The following PPFIA3 variants were observed in gnomAD, a reference collection of about 807,000 sequenced individuals.
PPFIA3 encodes the protein PPFI scaffold protein A3, also known as liprin-alpha-3.
PPFIA3 carries 26 observed loss-of-function variants against 145.8 expected under a neutral mutation model. The observed-to-expected ratio is 0.18, with a 90% CI of 0.13 to 0.25. The LOEUF (loss-of-function observed/expected upper bound fraction) is 0.25. Ranked by LOEUF, PPFIA3 falls within the 10% of genes least tolerant of loss-of-function variation. The pLI is 1.00. For synonymous variants in PPFIA3, 645 were observed against 661.4 expected (o/e 0.98, Z 0.38); for missense variants, 1,008 against 1,587.8 (o/e 0.63, Z 6.21).
chr19:49,141,886 G>T (rs2041228471), intron 19 of PPFIA3, 148 bp from the exon 20 acceptor site: 2 of 456,140 alleles, frequency 4.4e-6, no homozygotes, highest in Middle Eastern at 3.8e-4. Context: ...TGTATTTTTT[G>T]ACCTTCTGCC....
chr19:49,128,169 C>A lies in PPFIA3; in HGVS notation c.240+56C>A. 6.9e-7 allele frequency: 1 copy of A among 1,449,536 alleles called. No individual in the cohort carries two copies. The highest frequency in any genetic ancestry group is 1.4e-5 in the South Asian group (1 of 71,980). 89.8% of individuals were successfully genotyped at this position (1,449,536 alleles called of 1,614,324 possible). ...GGGCGGGGCCTCGGGGGGAAGAAGG[C>A]GGTCCGGAAGGGGCCGGGCTTGGCG... is the stretch of plus-strand genomic sequence containing the variant. On this transcript the variant is annotated intron_variant, in intron 2 of 29. Transcript: ENST00000334186. The surrounding 1 kb of genome is among the most constrained non-coding windows in gnomAD (Gnocchi z 4.1).
In PPFIA3 at chr19:49,130,007, A is replaced by C; in HGVS notation, c.597A>C (p.Arg199=). Residue 199 remains arginine (R), a synonymous_variant, in exon 6 of 30, where the codon CGA becomes CGC. Coordinates refer to ENST00000334186, the MANE Select transcript of PPFIA3 (RefSeq NM_003660.4). This position sits in a 1 kb window ranked among gnomAD's most constrained non-coding sequence, Gnocchi z 4.5. ...CACACTTCCAGACTCTGAACCTTCG[A>C]GAACAGCTGTCTAGGCGGCGGTCAG... ...ELSNQETLNL[R]EQLSRRRSGL... 1 of 1,613,712 alleles carries C rather than the reference A, an allele frequency of 6.2e-7. No homozygotes were observed. Among genetic ancestry groups the C allele is most frequent in the Non-Finnish European group, 8.5e-7 (1 of 1,179,878 alleles).
At chr19:49,124,183 A>G (rs2040969649) in intron 1 of PPFIA3, among the ~76,000 whole-genome samples, 1 of 151,780 alleles carries the variant, frequency 6.6e-6, no homozygotes. Flanking sequence ...TAAAAAATCT[A>G]TTTATTTATT....
At chr19:49,138,697 C>T (rs1971512) in intron 16 of PPFIA3, among the ~76,000 whole-genome samples, 53,360 of 152,038 alleles carry the variant, frequency 0.35, 9,619 homozygotes, top group Non-Finnish European at 0.42. Flanking sequence ...TGGCTGGGTG[C>T]GGTGGCTCAC....
chr19:49,124,982 G>A (rs527303192), intron 1 of PPFIA3, among the ~76,000 whole-genome samples: 1 of 152,150 alleles, frequency 6.6e-6, no homozygotes, highest in African/African-American at 2.4e-5. Flanking sequence ...CAGGAGAATC[G>A]CTTGAACCCG....
chr19:49,142,941 A>G lies in PPFIA3; in HGVS notation c.2682A>G (p.Leu894=). ...GISNPLHRLK[L]RLAIQEMVSL... The stretch of plus-strand genomic sequence containing the variant: ...GCAACCCGCTGCACCGACTCAAGCT[A>G]CGCCTCGCCATCCAGGAGATGGTCT... The change falls in exon 21 of 30, where the codon CTA becomes CTG. Residue 894 remains leucine (L), a synonymous_variant. Coordinates refer to ENST00000334186, the MANE Select transcript of PPFIA3 (RefSeq NM_003660.4). 2 of 1,613,428 alleles carry G rather than the reference A, an allele frequency of 1.2e-6. No homozygotes were observed. The highest frequency in any genetic ancestry group is 1.7e-6 in the Non-Finnish European group (2 of 1,179,972).
chr19:49,123,953 C>G (rs556395288), intron 1 of PPFIA3, among the ~76,000 whole-genome samples: 37 of 152,170 alleles, frequency 2.4e-4, no homozygotes, highest in African/African-American at 8.9e-4. Context: ...TCTTCTGGAG[C>G]CTTCAGCCTA....
chr19:49,127,668 C>T (rs2041019276), intron 1 of PPFIA3, among the ~76,000 whole-genome samples, 191 bp from the exon 2 acceptor site: 1 of 152,140 alleles, frequency 6.6e-6, no homozygotes, highest in African/African-American at 2.4e-5. Context: ...TTGGTTTCCC[C>T]GGTGGAGTGA....
rs369121503 is a variant in PPFIA3 at position 49,133,394 on chromosome 19, G to T, written c.1161+23G>T. ...AAGGTGCGGGGAGGACTCGGGTCGG[G>T]GCCTTGCGTGGGGAAGGGGTGGGGC... On this transcript the variant is annotated intron_variant, in intron 9 of 29. Transcript: ENST00000334186. The surrounding 1 kb of genome is among the most constrained non-coding windows in gnomAD (Gnocchi z 7.2). 26 of 1,576,048 alleles carry T rather than the reference G, an allele frequency of 1.6e-5. No homozygotes were observed. The African/African-American group carries it at 3.3e-4, about 20-fold the overall frequency.
intron 18 of PPFIA3, among the ~76,000 whole-genome samples, chr19:49,141,099 A>G (rs942573902): frequency 2.8e-4 from 43 of 152,262 alleles, no homozygotes; most frequent in African/African-American, 7.9e-4. Flanking sequence ...GAAATTGGCC[A>G]TGGTGGGATT....
chr19:49,135,284 C>G (rs559327547), intron 13 of PPFIA3, among the ~76,000 whole-genome samples: 1 of 152,266 alleles, frequency 6.6e-6, no homozygotes, highest in African/African-American at 2.4e-5. Flanking sequence ...TCAAGTGATC[C>G]TCCCCCCTCG....
Position 49,148,207 on chromosome 19 carries a change from T to C in PPFIA3, c.2960T>C (p.Leu987Pro). The C allele has an allele frequency of 6.2e-7, 1 of 1,614,198 alleles. No homozygotes were observed. Among genetic ancestry groups the C allele is most frequent in the Non-Finnish European group, 8.5e-7 (1 of 1,180,034 alleles). Residue 987 changes from leucine to proline, a missense_variant, in exon 24 of 30, where the codon CTT becomes CCT. Coordinates refer to ENST00000334186, the MANE Select transcript of PPFIA3 (RefSeq NM_003660.4). Reference sequence around the variant, plus strand: ...GTGGACGCTCGAATGTTAGATCACCTTAACAAGAAGGAGCTCCGGGGCCAA... The same window carrying C: ...GTGGACGCTCGAATGTTAGATCACCCTAACAAGAAGGAGCTCCGGGGCCAA... ...SLVDARMLDH[L>P]NKKELRGQLK... is the part of the protein sequence containing the mutation.
intron 18 of PPFIA3, among the ~76,000 whole-genome samples, chr19:49,141,194 G>A (rs1373661286): frequency 6.6e-6 from 1 of 152,238 alleles, no homozygotes; most frequent in East Asian, 1.9e-4. Context: ...GCATTTACCA[G>A]CATACAACTG....
intron 24 of PPFIA3, 144 bp downstream of exon 24, chr19:49,148,402 T>TC (rs2041304026): frequency 3.0e-6 from 3 of 989,914 alleles, no homozygotes; most frequent in Non-Finnish European, 4.4e-6. Context: ...GACTCTGTGC[T>TC]CCTTTCACCA....
At chr19:49,124,921 G>A (rs2040978686) in intron 1 of PPFIA3, among the ~76,000 whole-genome samples, 1 of 152,046 alleles carries the variant, frequency 6.6e-6, no homozygotes, top group African/African-American at 2.4e-5. Context: ...AAAATAATTA[G>A]CCGGGCGTGG....
At chr19:49,145,671 G>A in intron 21 of PPFIA3, 2 of 498,092 alleles carry the variant, frequency 4.0e-6, no homozygotes, top group South Asian at 2.1e-5. Context: ...TCTGTGTGAG[G>A]TCAGCGAGGT....
intron 13 of PPFIA3, 48 bp downstream of exon 13, chr19:49,134,963 C>T (rs755846795): frequency 6.9e-7 from 1 of 1,458,860 alleles, no homozygotes; most frequent in Non-Finnish European, 9.2e-7. Flanking sequence ...CCCCGTTGGC[C>T]AAGCGCCAAG....
chr19:49,142,156 C>A, intron 20 of PPFIA3, 41 bp downstream of exon 20: 1 of 1,520,786 alleles, frequency 6.6e-7, no homozygotes, highest in Non-Finnish European at 8.9e-7. Context: ...GGTCCCCAAC[C>A]CCTCTGACAG....
At chr19:49,139,149 A>G (rs1369331618) in intron 16 of PPFIA3, among the ~76,000 whole-genome samples, 7 of 152,070 alleles carry the variant, frequency 4.6e-5, no homozygotes. Flanking sequence ...AACATGGTGA[A>G]ACCCCATCTC....
Sources: allele counts gnomAD v4.1 joint callset (sites outside exome capture counted in the v4.1 genomes callset), GRCh38; gene constraint gnomAD v4.1.1; non-coding constraint Gnocchi (gnomAD v3.1); transcripts MANE v1.5; gene names NCBI Gene and HGNC (gene_info 2026-07-23, HGNC 2026-07-21).